The following NEO1 variants were observed in gnomAD, a reference collection of about 807,000 sequenced individuals.
NEO1 encodes the protein neogenin 1, also known as neogenin.
In NEO1, 63 loss-of-function variants were observed where a neutral mutation model predicts 159.7. The ratio of observed to expected loss-of-function variants is 0.39; its 90% CI spans 0.32 to 0.49. The LOEUF (loss-of-function observed/expected upper bound fraction) is 0.49. Among genes scored for constraint, NEO1 ranks in the 20% least tolerant of loss-of-function variants. NEO1 has a pLI of 0.85. For synonymous variants in NEO1, 633 were observed against 662.0 expected (o/e 0.96, Z 0.67); for missense variants, 1,615 against 1,831.0 (o/e 0.88, Z 2.15).
intron 21 of NEO1, among the ~76,000 whole-genome samples, chr15:73,274,932 CTG>C (rs1264698060): frequency 6.6e-6 from 1 of 151,916 alleles, no homozygotes; most frequent in East Asian, 1.9e-4. Context: ...CAGAAGAAAA[CTG>C]AACCAGTAAA....
At chr15:73,108,747 G>C (rs1182319183) in intron 1 of NEO1, among the ~76,000 whole-genome samples, 1 of 152,208 alleles carries the variant, frequency 6.6e-6, no homozygotes, top group African/African-American at 2.4e-5. Flanking sequence ...GTTAGAAAAG[G>C]CCTCTGTAGA....
At chr15:73,250,094 A>T (rs1457013041) in intron 11 of NEO1, among the ~76,000 whole-genome samples, 1 of 152,136 alleles carries the variant, frequency 6.6e-6, no homozygotes, top group East Asian at 1.9e-4. Flanking sequence ...TGATATTTGC[A>T]TGCCAAATTA....
intron 3 of NEO1, among the ~76,000 whole-genome samples, chr15:73,125,887 T>C (rs1349971531): frequency 2.7e-5 from 4 of 148,814 alleles, no homozygotes; most frequent in Non-Finnish European, 6.1e-5. Flanking sequence ...AAAGGAAACC[T>C]CTTATCCCTG....
At chr15:73,265,560 A>G (rs916285509) in intron 15 of NEO1, among the ~76,000 whole-genome samples, 2 of 152,226 alleles carry the variant, frequency 1.3e-5, no homozygotes, top group Non-Finnish European at 2.9e-5. Context: ...GCACATGTGT[A>G]TTATGGTTGC....
chr15:73,220,466 T>C lies in NEO1; in HGVS notation c.1292-15881T>C, dbSNP rs1197733073. Among the ~76,000 whole-genome samples, 10 of 152,096 alleles carry C rather than the reference T, an allele frequency of 6.6e-5. 1 individual carries two copies. The East Asian group carries it at 1.5e-3, about 23-fold the overall frequency. ...ATTCTCTGTATTTCCTGAATCTGAA[T>C]GTTGGCCTGCCTTGCTAGATTGGGG... On this transcript the variant is annotated intron_variant, in intron 7 of 28. Coordinates refer to ENST00000261908, the MANE Select transcript of NEO1 (RefSeq NM_002499.4).
Position 73,270,422 on chromosome 15 carries a change from G to A in NEO1, c.2825G>A (p.Ser942Asn). 6.2e-7 allele frequency: 1 copy of A among 1,613,902 alleles called. No homozygotes were observed. Among genetic ancestry groups the A allele is most frequent in the Non-Finnish European group, 8.5e-7 (1 of 1,180,006 alleles). The change falls in exon 18 of 29, where the codon AGT becomes AAT. Residue 942 changes from serine (S) to asparagine (N), a missense_variant. By Grantham distance (46) the Ser-to-Asn change is conservative (BLOSUM62 1). Around this residue, in one of 3 missense-constraint regions of NEO1, gnomAD observed 126 missense variants for 216.7 expected, o/e 0.58. Coordinates refer to ENST00000261908, the MANE Select transcript of NEO1 (RefSeq NM_002499.4). The stretch of plus-strand genomic sequence containing the variant: ...AAAGGTCGAAGATCAAGTACATGGA[G>A]TATGACAGCCCATGGGACCACCTTT... Reference protein sequence around the residue: ...VTKGRRSSTWSMTAHGTTFEL... With the variant: ...VTKGRRSSTWNMTAHGTTFEL...
intron 5 of NEO1, among the ~76,000 whole-genome samples, chr15:73,172,446 G>A (rs1037164740): frequency 1.3e-5 from 2 of 152,168 alleles, no homozygotes; most frequent in Admixed American, 6.5e-5. Context: ...AAAGATATAC[G>A]TTAAAGTTAT....
In NEO1 at chr15:73,122,776, G is replaced by A. The variant is rs1418834434; in HGVS notation, c.700G>A (p.Glu234Lys). Reference sequence around the variant, plus strand: ...TGGTGGGCCACCAAAGTATAGTGATGAAGTTGAATTGAAGGTTCTTCCAGG... The same window carrying A: ...TGGTGGGCCACCAAAGTATAGTGATAAAGTTGAATTGAAGGTTCTTCCAGG... ...ESGGPPKYSD[E>K]VELKVLPDPE... Residue 234 changes from glutamate to lysine, a missense_variant, in exon 3 of 29, where the codon GAA (glutamate) becomes AAA (lysine). Physicochemically the swap from Glu to Lys is moderately conservative, Grantham distance 56. Transcript: ENST00000261908. The A allele has an allele frequency of 6.2e-7, 1 of 1,614,174 alleles. No homozygotes were observed. The highest frequency in any genetic ancestry group is 1.1e-5 in the South Asian group (1 of 91,084).
chr15:73,228,227 A>T (rs182010173), intron 7 of NEO1, among the ~76,000 whole-genome samples: 1 of 152,282 alleles, frequency 6.6e-6, no homozygotes, highest in Admixed American at 6.5e-5. Flanking sequence ...TGTAGGCCAC[A>T]TGTAGTAAAA....
chr15:73,170,561 G>A (rs1186317473), intron 5 of NEO1, among the ~76,000 whole-genome samples: 1 of 152,092 alleles, frequency 6.6e-6, no homozygotes, highest in African/African-American at 2.4e-5. Context: ...TCAAATATGG[G>A]ATAGTTTAAG....
At chr15:73,233,287 C>T (rs972594585) in intron 7 of NEO1, among the ~76,000 whole-genome samples, 25 of 152,146 alleles carry the variant, frequency 1.6e-4, no homozygotes, top group African/African-American at 6.0e-4. Flanking sequence ...GAATGATTTA[C>T]AATGATCAGG....
intron 11 of NEO1, among the ~76,000 whole-genome samples, chr15:73,250,172 T>TTA (rs371296157): frequency 1.1e-3 from 164 of 151,266 alleles, no homozygotes; most frequent in Middle Eastern, 0.01. Context: ...CTAAATTAAG[T>TTA]TATATATATA....
intron 22 of NEO1, among the ~76,000 whole-genome samples, chr15:73,278,566 A>G (rs1037339428): frequency 2.6e-5 from 4 of 152,216 alleles, no homozygotes; most frequent in Non-Finnish European, 4.4e-5. Context: ...TTCCAGTGCT[A>G]CTACATACTG....
chr15:73,077,648 C>G (rs1056835274), intron 1 of NEO1, among the ~76,000 whole-genome samples: 1 of 152,218 alleles, frequency 6.6e-6, no homozygotes, highest in Non-Finnish European at 1.5e-5. Flanking sequence ...GATTCTCAGA[C>G]TCATTTATTC....
chr15:73,293,407 C>A lies in NEO1; in HGVS notation c.3760C>A (p.Pro1254Thr). ...QPPQPVISAHPIHSLDNPHHH... is the reference protein window; with the variant it reads ...QPPQPVISAHTIHSLDNPHHH... ...ATTCACAGCTGTGATTAGTGCCCATCCCATCCATTCCCTCGATAACCCTCA... is the reference window on the plus strand; with the variant it reads ...ATTCACAGCTGTGATTAGTGCCCATACCATCCATTCCCTCGATAACCCTCA... Residue 1254 changes from proline (P) to threonine (T), a missense_variant, in exon 26 of 29, where the codon CCC becomes ACC. Pro to Thr is a conservative substitution (Grantham distance 38). Around this residue, in one of 3 missense-constraint regions of NEO1, gnomAD observed 471 missense variants for 498.9 expected, o/e 0.94. Coordinates refer to ENST00000261908, the MANE Select transcript of NEO1 (RefSeq NM_002499.4). 1 of 1,614,174 alleles carries A rather than the reference C, an allele frequency of 6.2e-7. No individual in the cohort carries two copies. Among genetic ancestry groups the A allele is most frequent in the South Asian group, 1.1e-5 (1 of 91,082 alleles).
At chr15:73,080,448 G>T (rs988749729) in intron 1 of NEO1, among the ~76,000 whole-genome samples, 1 of 152,120 alleles carries the variant, frequency 6.6e-6, no homozygotes, top group Admixed American at 6.6e-5. Context: ...CTAGGATCTG[G>T]GAGAGGCTCT....
At chr15:73,248,227 T>C (rs907668191) in intron 9 of NEO1, among the ~76,000 whole-genome samples, 1 of 152,188 alleles carries the variant, frequency 6.6e-6, no homozygotes, top group Non-Finnish European at 1.5e-5. Context: ...TCTTGTTCTT[T>C]TACTGTTTTT....
chr15:73,199,272 T>A (rs1405972108), intron 7 of NEO1, among the ~76,000 whole-genome samples: 1 of 151,682 alleles, frequency 6.6e-6, no homozygotes, highest in East Asian at 1.9e-4. Context: ...CACATCACAT[T>A]GAGGGCACAT....
intron 5 of NEO1, among the ~76,000 whole-genome samples, chr15:73,156,487 G>A (rs1400778513): frequency 6.6e-6 from 1 of 152,192 alleles, no homozygotes; most frequent in African/African-American, 2.4e-5. Flanking sequence ...CCATGCAGGT[G>A]AGCAGACTCT....
Sources: allele counts gnomAD v4.1 joint callset (sites outside exome capture counted in the v4.1 genomes callset), GRCh38; gene constraint gnomAD v4.1.1; regional missense constraint gnomAD v4.1.1; transcripts MANE v1.5; gene names NCBI Gene and HGNC (gene_info 2026-07-23, HGNC 2026-07-21).